Variants in C5 observed in about 807,000 individuals in gnomAD.
C5 encodes the protein C3 and PZP-like alpha-2-macroglobulin domain-containing protein 4.
Under a neutral mutation model 218.8 loss-of-function variants are expected in C5, and 140 were observed. The observed-to-expected ratio is 0.64, with a 90% confidence interval of 0.56 to 0.74. C5 has a LOEUF of 0.74. Ranked by LOEUF, C5 falls within the 30% of genes least tolerant of loss-of-function variation. The pLI, the probability that C5 is intolerant of heterozygous loss-of-function variation, is 0.00. For synonymous variants in C5, 614 were observed against 682.3 expected (o/e 0.90, Z 1.56); for missense variants, 1,700 against 1,969.6 (o/e 0.86, Z 2.59).
chr9:120,962,173 C>T (rs2046832234), intron 36 of C5, among the ~76,000 whole-genome samples: 1 of 152,166 alleles, frequency 6.6e-6, no homozygotes, highest in African/African-American at 2.4e-5. Context: ...ACATTCTATA[C>T]CCGACGCTGC....
In C5 at chr9:120,962,742, C is replaced by T. The variant is rs775939939; in HGVS notation, c.4433G>A (p.Arg1478Gln). The T allele has an allele frequency of 7.0e-5, 113 of 1,613,836 alleles. No homozygotes were observed. Among genetic ancestry groups the T allele is most frequent in the Non-Finnish European group, 8.5e-5 (100 of 1,179,946 alleles). Residue 1478 changes from arginine (R) to glutamine (Q), a missense_variant, in exon 36 of 41, where the codon CGG becomes CAG. Transcript: ENST00000223642. Reference protein sequence around the residue: ...PSSDFLCVRFRIFELFEVGFL... With the variant: ...PSSDFLCVRFQIFELFEVGFL... Reference sequence around the variant, plus strand: ...CCCAACTTCAAAGAGTTCAAATATCCGGAATCGTACACAAAGGAAATCACT... The same window carrying T: ...CCCAACTTCAAAGAGTTCAAATATCTGGAATCGTACACAAAGGAAATCACT...
At chr9:121,058,261 T>C in the C5 span, among the ~76,000 whole-genome samples, 5 of 152,194 alleles carry the variant, frequency 3.3e-5, no homozygotes, top group Admixed American at 3.3e-4. Context: ...TGGTTACCAA[T>C]GAGTAAACTA....
intron 19 of C5, 132 bp downstream of exon 19, chr9:121,006,772 C>G (rs2047219093): frequency 1.5e-6 from 1 of 677,906 alleles, no homozygotes; most frequent in Non-Finnish European, 2.6e-6. Flanking sequence ...TTTGGTAATA[C>G]ATAAAAAAAA....
chr9:121,005,359 C>A (rs2047207714), intron 20 of C5, among the ~76,000 whole-genome samples: 1 of 152,000 alleles, frequency 6.6e-6, no homozygotes, highest in African/African-American at 2.4e-5. Context: ...GTAAAAAGAG[C>A]AGGGAAGTAA....
At chr9:121,014,721 A>T (rs1478835091) in intron 16 of C5, among the ~76,000 whole-genome samples, 1 of 152,212 alleles carries the variant, frequency 6.6e-6, no homozygotes, top group African/African-American at 2.4e-5. Flanking sequence ...TTTCTACAGT[A>T]ACATGACGAA....
chr9:121,036,829 A>G (rs2047529774), intron 4 of C5, among the ~76,000 whole-genome samples: 1 of 151,652 alleles, frequency 6.6e-6, no homozygotes, highest in African/African-American at 2.4e-5. Context: ...TTTGTTCTGT[A>G]GTATCTATGC....
At chr9:121,014,124 G>T in intron 16 of C5, 54 bp from the exon 17 acceptor site, 1 of 1,482,392 alleles carries the variant, frequency 6.7e-7, no homozygotes, top group Non-Finnish European at 9.4e-7. Flanking sequence ...TAACATCTCA[G>T]GCTTAGAAGG....
At chr9:121,073,570 G>A in the C5 span, among the ~76,000 whole-genome samples, 1 of 139,850 alleles carries the variant, frequency 7.2e-6, no homozygotes, top group Non-Finnish European at 1.5e-5. Flanking sequence ...AGGCTGGAGT[G>A]CAGTGGCGCG....
At position 121,017,779 on chromosome 9, in the gene C5, T is replaced by C. The variant is rs755033863; in HGVS notation, c.1580A>G (p.Asn527Ser). ...AACCATGTTCTGTGTTACTGGAATG[T>C]TTATACTTTGATAAGATGCATCTGA... is the stretch of plus-strand genomic sequence containing the variant. The part of the protein sequence containing the change: ...KFSDASYQSI[N>S]IPVTQNMVPS... The change falls in exon 13 of 41, where the codon AAC becomes AGC. Residue 527 changes from asparagine (N) to serine (S), a missense_variant. Coordinates refer to ENST00000223642, the MANE Select transcript of C5 (RefSeq NM_001735.3). The C allele has an allele frequency of 3.1e-6, 5 of 1,613,734 alleles. No individual in the cohort carries two copies. The highest frequency in any genetic ancestry group is 4.2e-6 in the Non-Finnish European group (5 of 1,179,728).
chr9:120,975,999 A>C (rs2046950631), intron 29 of C5, among the ~76,000 whole-genome samples: 1 of 152,224 alleles, frequency 6.6e-6, no homozygotes, highest in South Asian at 2.1e-4. Flanking sequence ...GGCAAATGCT[A>C]ATCAATAGGG....
chr9:121,044,028 G>A (rs1056629301), intron 2 of C5, among the ~76,000 whole-genome samples: 5 of 152,096 alleles, frequency 3.3e-5, no homozygotes, highest in Non-Finnish European at 5.9e-5. Context: ...TTGGAAACAC[G>A]GGATGAAAGT....
the C5 span, among the ~76,000 whole-genome samples, chr9:121,064,173 A>T: frequency 6.7e-6 from 1 of 149,254 alleles, no homozygotes; most frequent in African/African-American, 2.5e-5. Context: ...TCTCATTTCC[A>T]TTTCTTTTCT....
intron 11 of C5, among the ~76,000 whole-genome samples, chr9:121,021,217 C>T (rs540119613): frequency 6.8e-4 from 103 of 152,280 alleles, no homozygotes; most frequent in African/African-American, 2.4e-3. Context: ...ATTCCTAACA[C>T]TCATGTGCAC....
intron 38 of C5, 23 bp downstream of exon 38, chr9:120,960,225 C>G (rs530359977): frequency 1.4e-6 from 2 of 1,442,406 alleles, no homozygotes; most frequent in East Asian, 4.5e-5. Flanking sequence ...TTTAAAGGAG[C>G]TATATTGAAC....
In C5 at chr9:120,968,922, T is replaced by C. The variant is rs572176925; in HGVS notation, c.4220+139A>G. On this transcript the variant is annotated intron_variant, in intron 33 of 40. Transcript: ENST00000223642. ...TATGGTAAGTAGCAATTTAAGAATA[T>C]ATATGTTCTGCATTTTTAAACAATT... is the stretch of plus-strand genomic sequence containing the variant. 2.7e-4 allele frequency: 200 copies of C among 744,104 alleles called. No individual in the cohort carries two copies. The African/African-American group carries it at 3.2e-3, about 12-fold the overall frequency. The allele number at this position is 744,104 out of a possible 1,614,324, so 46.1% of individuals were successfully genotyped here. A position where few individuals can be genotyped will look rare whatever the true frequency, so the allele number is the denominator to read the frequency against.
chr9:121,029,191 G>C (rs188528851), intron 7 of C5, among the ~76,000 whole-genome samples: 10 of 152,258 alleles, frequency 6.6e-5, no homozygotes, highest in African/African-American at 1.9e-4. Flanking sequence ...CTTATTTATG[G>C]TTTGAATAAA....
At chr9:121,054,407 C>A (rs999015138), upstream of C5, among the ~76,000 whole-genome samples, 1 of 152,132 alleles carries the variant, frequency 6.6e-6, no homozygotes, top group African/African-American at 2.4e-5. Context: ...CAAGACCAGT[C>A]TGGCCAATAT....
the C5 span, among the ~76,000 whole-genome samples, chr9:121,069,381 GA>G: frequency 6.6e-6 from 1 of 151,992 alleles, no homozygotes; most frequent in African/African-American, 2.4e-5. Context: ...ACAAATATAT[GA>G]AAAAATGCTC....
the C5 span, among the ~76,000 whole-genome samples, chr9:121,057,330 C>T: frequency 6.6e-6 from 1 of 152,034 alleles, no homozygotes; most frequent in Non-Finnish European, 1.5e-5. Flanking sequence ...AATAATGTAA[C>T]ACTGTAATTG....
Sources: gnomAD v4.1 joint callset for allele counts (sites outside exome capture counted in the v4.1 genomes callset) on GRCh38, gnomAD v4.1.1 for gene constraint, MANE v1.5 for transcripts, NCBI Gene and HGNC (gene_info 2026-07-23, HGNC 2026-07-21) for gene names.